USP14: variants seen among roughly 807,000 people sequenced by gnomAD.
USP14 encodes the protein ubiquitin carboxyl-terminal hydrolase 14.
A neutral mutation model predicts 76.5 loss-of-function variants in USP14; 38 were observed. The ratio of observed to expected loss-of-function variants is 0.50; its 90% CI spans 0.38 to 0.65. The LOEUF is 0.65. Among genes scored for constraint, USP14 ranks in the 30% least tolerant of loss-of-function variants. The pLI, the probability that USP14 is intolerant of heterozygous loss-of-function variation, is 0.00. For synonymous variants in USP14, 192 were observed against 191.7 expected (o/e 1.00, Z -0.01); for missense variants, 467 against 586.5 (o/e 0.80, Z 2.10).
At chr18:184,084 G>A (rs1265488798) in intron 5 of USP14, among the ~76,000 whole-genome samples, 1 of 152,172 alleles carries the variant, frequency 6.6e-6, no homozygotes, top group Non-Finnish European at 1.5e-5. Context: ...TTCATCCTAT[G>A]TGGTTCTATT....
intron 5 of USP14, among the ~76,000 whole-genome samples, chr18:186,997 A>G (rs954679416): frequency 6.6e-6 from 1 of 152,164 alleles, no homozygotes; most frequent in African/African-American, 2.4e-5. Context: ...TTGACCTTTC[A>G]GATATTGGCA....
At chr18:165,453 A>C (rs16945343) in intron 2 of USP14, among the ~76,000 whole-genome samples, 8 of 152,114 alleles carry the variant, frequency 5.3e-5, no homozygotes, top group African/African-American at 1.9e-4. Context: ...AGCCTAATCT[A>C]TGCTGAACAC....
chr18:181,124 CATTTT>C (rs1343535986), intron 5 of USP14, among the ~76,000 whole-genome samples: 1 of 152,210 alleles, frequency 6.6e-6, no homozygotes, highest in African/African-American at 2.4e-5. Flanking sequence ...GGATATATCA[CATTTT>C]ATTTATCCAT....
At chr18:204,942 C>G (rs1432084880) in intron 13 of USP14, among the ~76,000 whole-genome samples, 1 of 150,838 alleles carries the variant, frequency 6.6e-6, no homozygotes, top group African/African-American at 2.4e-5. Context: ...CTTTGTCACT[C>G]AGGCTCACTG....
At chr18:206,223 G>T (rs907032949) in intron 13 of USP14, among the ~76,000 whole-genome samples, 4 of 152,194 alleles carry the variant, frequency 2.6e-5, no homozygotes, top group South Asian at 2.1e-4. Context: ...CCAGCATTTG[G>T]TGTTGTCACT....
intron 9 of USP14, 39 bp from the exon 10 acceptor site, chr18:199,163 G>C (rs1276082735): frequency 7.6e-7 from 1 of 1,308,102 alleles, no homozygotes; most frequent in Non-Finnish European, 1.1e-6. Flanking sequence ...ATAACAAATT[G>C]AATACCCGTT....
intron 3 of USP14, among the ~76,000 whole-genome samples, chr18:176,893 A>G (rs1909642419): frequency 6.6e-6 from 1 of 151,580 alleles, no homozygotes; most frequent in East Asian, 1.9e-4. Flanking sequence ...TTTCCTAATA[A>G]TTTTTTAAGG....
intron 1 of USP14, among the ~76,000 whole-genome samples, chr18:159,864 C>A (rs547346803): frequency 6.6e-6 from 1 of 152,242 alleles, no homozygotes; most frequent in African/African-American, 2.4e-5. Context: ...TCCTCATCCC[C>A]CAAATGAAGG....
intron 5 of USP14, among the ~76,000 whole-genome samples, chr18:186,328 C>T (rs950364292): frequency 6.6e-6 from 1 of 152,052 alleles, no homozygotes; most frequent in Non-Finnish European, 1.5e-5. Flanking sequence ...TGGTGGTGTG[C>T]ACCTGTAGTT....
intron 3 of USP14, among the ~76,000 whole-genome samples, chr18:171,026 ATATATATATATATAT>A (rs1474117876): frequency 1.3e-4 from 4 of 30,746 alleles, no homozygotes; most frequent in Admixed American, 3.5e-4. Flanking sequence ...AAAAAAAAAA[ATATATATATATATAT>A]ATATATATAT....
chr18:185,754 GCACGAT>G (rs1417530745), intron 5 of USP14, among the ~76,000 whole-genome samples: 1 of 151,770 alleles, frequency 6.6e-6, no homozygotes, highest in Non-Finnish European at 1.5e-5. Flanking sequence ...CTCTGGAGTG[GCACGAT>G]CACAGATCAC....
At chr18:169,419 T>C (rs1004766627) in intron 3 of USP14, among the ~76,000 whole-genome samples, 1 of 151,838 alleles carries the variant, frequency 6.6e-6, no homozygotes, top group Non-Finnish European at 1.5e-5. Context: ...TCACTACAAC[T>C]TAAAATTATG....
At position 166,903 on chromosome 18, in the gene USP14, G is replaced by T. The variant is rs186734640; in HGVS notation, c.195+84G>T. 6.3e-3 allele frequency: 7,788 copies of T among 1,234,106 alleles called. 41 individuals carry two copies. Among genetic ancestry groups the T allele is most frequent in the Non-Finnish European group, 8.2e-3 (7,066 of 861,188 alleles). The allele number at this position is 1,234,106 out of a possible 1,614,324, so 76.4% of individuals were successfully genotyped here. A position where few individuals can be genotyped will look rare whatever the true frequency, so the allele number is the denominator to read the frequency against. ...TACATTCCAGATGACTTTTTTTCAT[G>T]TGTATATCCAGTTGTTCCAGCACTA... On this transcript the variant is annotated intron_variant, in intron 3 of 15. Coordinates refer to ENST00000261601, the MANE Select transcript of USP14 (RefSeq NM_005151.4).
rs57185071 is a variant in USP14, at chr18:198,788, T to A, written c.762-414T>A. 2.0e-5 allele frequency among the ~76,000 whole-genome samples: 3 copies of A among 152,236 alleles called. No individual in the cohort carries two copies. The East Asian group carries it at 5.8e-4, about 29-fold the overall frequency. On this transcript the variant is annotated intron_variant, in intron 9 of 15. Coordinates refer to ENST00000261601, the MANE Select transcript of USP14 (RefSeq NM_005151.4). ...ATAACTTTTAAAATAAAAAAAGAATTTTTTAATTTTATAAAAGGGTGTGTA... is the reference window on the plus strand; with the variant it reads ...ATAACTTTTAAAATAAAAAAAGAATATTTTAATTTTATAAAAGGGTGTGTA...
At position 196,667 on chromosome 18, in the gene USP14, A is replaced by G; in HGVS notation, c.494A>G (p.Lys165Arg). ...ALRDLFDSMD[K>R]TSSSIPPIIL... ...AGAGATTTGTTTGATTCCATGGATA[A>G]AACTTCTTCCAGTATTCCACCTATT... The change falls in exon 7 of 16, where the codon AAA becomes AGA. Residue 165 changes from lysine to arginine, a missense_variant. By Grantham distance (26) the Lys-to-Arg change is conservative. Transcript: ENST00000261601. 6.2e-7 allele frequency: 1 copy of G among 1,613,912 alleles called. No homozygotes were observed. Among genetic ancestry groups the G allele is most frequent in the Non-Finnish European group, 8.5e-7 (1 of 1,179,928 alleles).
rs374300842 is a variant in USP14, at chr18:198,131, A to G, written c.760A>G (p.Thr254Ala). Residue 254 changes from threonine (T) to alanine (A), a missense_variant and splice_region_variant, in exon 9 of 16, where the codon ACC (threonine) becomes GCC (alanine). Transcript: ENST00000261601. ...GTTCTTCGGTGTTGAGTTTGAAACT[A>G]CGTATCCTTATGAGCCAAGATATAG... ...DQFFGVEFET[T>A]MKCTESEEEE... The G allele has an allele frequency of 1.9e-5, 30 of 1,603,338 alleles. No homozygotes were observed. Among genetic ancestry groups the G allele is most frequent in the Non-Finnish European group, 2.5e-5 (29 of 1,173,382 alleles).
intron 7 of USP14, 30 bp downstream of exon 7, chr18:196,797 T>C (rs748883650): frequency 6.2e-7 from 1 of 1,607,296 alleles, no homozygotes; most frequent in Non-Finnish European, 8.5e-7. Context: ...TTTCATTCTG[T>C]AAATGTAAAA....
chr18:204,926 G>C (rs1437617432), intron 13 of USP14, among the ~76,000 whole-genome samples: 3 of 150,566 alleles, frequency 2.0e-5, no homozygotes, highest in Admixed American at 2.0e-4. Flanking sequence ...TTGTGACAAG[G>C]TCTTCCTTTG....
In USP14 at chr18:179,014, A is replaced by G. The variant is rs1282398467; in HGVS notation, c.277A>G (p.Thr93Ala). The change falls in exon 4 of 16, where the codon ACA (threonine) becomes GCA (alanine). Residue 93 changes from threonine (T) to alanine (A), a missense_variant. Physicochemically the swap from Thr to Ala is moderately conservative, Grantham distance 58. Transcript: ENST00000261601. ...CAAAACTGTCTTCGTAGAAGACATG[A>G]CAGAAGAACAGTTAGCATCTGCTGT... ...SAKTVFVEDM[T>A]EEQLASAMEL... The G allele has an allele frequency of 2.5e-6, 4 of 1,611,604 alleles. No homozygotes were observed. The highest frequency in any genetic ancestry group is 1.1e-5 in the South Asian group (1 of 90,602).
Sources: gnomAD v4.1 joint callset for allele counts (sites outside exome capture counted in the v4.1 genomes callset) on GRCh38, gnomAD v4.1.1 for gene constraint, MANE v1.5 for transcripts, NCBI Gene and HGNC (gene_info 2026-07-23, HGNC 2026-07-21) for gene names.